The following DLG2 variants were observed in gnomAD, a reference collection of about 807,000 sequenced individuals.
DLG2 encodes disks large homolog 2.
A neutral mutation model predicts 132.5 loss-of-function variants in DLG2; 45 were observed. That is an observed-to-expected ratio of 0.34 (90% CI 0.27 to 0.44). DLG2 has a LOEUF of 0.44. DLG2 is among the 20% of genes least tolerant of loss of function. The probability of loss-of-function intolerance (pLI) is 1.00; values close to 1 mark genes in which losing one functional copy is unlikely to be tolerated. For synonymous variants in DLG2, 424 were observed against 419.6 expected (o/e 1.01, Z -0.13); for missense variants, 1,045 against 1,196.9 (o/e 0.87, Z 1.87).
At chr11:83,781,393 T>C (rs1233416460) in intron 18 of DLG2, among the ~76,000 whole-genome samples, 1 of 152,170 alleles carries the variant, frequency 6.6e-6, no homozygotes, top group Non-Finnish European at 1.5e-5. Flanking sequence ...TACCTATTGA[T>C]TGAATGAATG....
chr11:84,138,991 A>G (rs950878225), intron 9 of DLG2, among the ~76,000 whole-genome samples: 3 of 151,664 alleles, frequency 2.0e-5, no homozygotes, highest in Non-Finnish European at 4.4e-5. Flanking sequence ...CAACTGGCCA[A>G]TGGAAAAGGC....
chr11:85,019,974 T>C (rs1242832945), intron 6 of DLG2, among the ~76,000 whole-genome samples: 1 of 152,212 alleles, frequency 6.6e-6, no homozygotes, highest in Non-Finnish European at 1.5e-5. Flanking sequence ...ATCCTTTGGC[T>C]ATATACCCAG....
intron 6 of DLG2, among the ~76,000 whole-genome samples, chr11:84,832,523 G>T (rs2079173959): frequency 6.6e-6 from 1 of 151,556 alleles, no homozygotes; most frequent in Non-Finnish European, 1.5e-5. Context: ...GCAGAGGAAG[G>T]TGCCCATGAT....
chr11:84,786,524 G>A (rs766274459), intron 6 of DLG2, among the ~76,000 whole-genome samples: 3 of 152,134 alleles, frequency 2.0e-5, no homozygotes, highest in Non-Finnish European at 4.4e-5. Context: ...TTTATAACAA[G>A]CTTCTAAGAT....
chr11:84,114,499 G>C (rs562042142), intron 9 of DLG2, among the ~76,000 whole-genome samples: 1 of 152,272 alleles, frequency 6.6e-6, no homozygotes, highest in African/African-American at 2.4e-5. Flanking sequence ...AGGAGGGGAG[G>C]ATGGAGATGG....
chr11:84,142,345 G>A (rs959199546), intron 9 of DLG2, among the ~76,000 whole-genome samples: 15 of 150,984 alleles, frequency 9.9e-5, no homozygotes, highest in Middle Eastern at 3.4e-3. Context: ...AAAAGAAAAG[G>A]TGACTGGCTT....
At chr11:83,577,422 GGATA>G (rs1310134500) in intron 19 of DLG2, among the ~76,000 whole-genome samples, 2 of 140,336 alleles carry the variant, frequency 1.4e-5, no homozygotes, top group African/African-American at 2.7e-5. Flanking sequence ...AGTTCTAATA[GGATA>G]GATATATAAT....
At chr11:85,031,145 G>A (rs2060970420) in intron 6 of DLG2, among the ~76,000 whole-genome samples, 1 of 151,702 alleles carries the variant, frequency 6.6e-6, no homozygotes, top group Non-Finnish European at 1.5e-5. Flanking sequence ...AAGGCTTTTT[G>A]TTTCTTTGGG....
At chr11:83,974,274 G>A (rs79892044) in intron 12 of DLG2, among the ~76,000 whole-genome samples, 6,472 of 151,982 alleles carry the variant, frequency 0.043, 198 homozygotes, top group Non-Finnish European at 0.067. Flanking sequence ...CAATTTTGTA[G>A]ATTTACCAAA....
intron 18 of DLG2, among the ~76,000 whole-genome samples, chr11:83,735,936 A>G (rs1006646542): frequency 2.0e-5 from 3 of 152,212 alleles, no homozygotes; most frequent in Admixed American, 2.0e-4. Context: ...ACCAAATCAT[A>G]CTAACTCCAG....
intron 3 of DLG2, among the ~76,000 whole-genome samples, chr11:85,353,080 T>C (rs2083422872): frequency 6.6e-6 from 1 of 152,134 alleles, no homozygotes; most frequent in East Asian, 1.9e-4. Context: ...ATTTTTGCAA[T>C]CTACCCATCT....
chr11:83,698,717 C>A (rs2082332970), intron 18 of DLG2, among the ~76,000 whole-genome samples: 1 of 152,118 alleles, frequency 6.6e-6, no homozygotes, highest in Non-Finnish European at 1.5e-5. Context: ...GAGTTTTTGC[C>A]ATGTGCCAAG....
chr11:84,282,779 T>G (rs2097865210), intron 7 of DLG2, among the ~76,000 whole-genome samples: 1 of 152,194 alleles, frequency 6.6e-6, no homozygotes, highest in African/African-American at 2.4e-5. Context: ...TTATGGTTCT[T>G]GCTCTAATTT....
chr11:84,717,597 T>C (rs1386407016), intron 6 of DLG2, among the ~76,000 whole-genome samples: 1 of 152,058 alleles, frequency 6.6e-6, no homozygotes, highest in Non-Finnish European at 1.5e-5. Flanking sequence ...TATCAATATA[T>C]AAATGGTTCC....
At chr11:84,655,195 A>G (rs1472468408) in intron 6 of DLG2, among the ~76,000 whole-genome samples, 1 of 152,152 alleles carries the variant, frequency 6.6e-6, no homozygotes, top group Non-Finnish European at 1.5e-5. Flanking sequence ...CAATTTAACC[A>G]TTCTATTTCC....
chr11:85,244,659 T>A (rs1297272841), intron 4 of DLG2, among the ~76,000 whole-genome samples: 1 of 151,968 alleles, frequency 6.6e-6, no homozygotes, highest in Non-Finnish European at 1.5e-5. Context: ...GAAAAGTGTT[T>A]GGATACAGCA....
intron 6 of DLG2, among the ~76,000 whole-genome samples, chr11:84,819,537 T>C (rs749498832): frequency 1.3e-5 from 2 of 151,692 alleles, no homozygotes; most frequent in Admixed American, 6.6e-5. Flanking sequence ...TCATGATCTC[T>C]TAGACAATGG....
intron 18 of DLG2, among the ~76,000 whole-genome samples, chr11:83,744,720 A>T (rs758832505): frequency 3.7e-4 from 57 of 152,242 alleles, no homozygotes; most frequent in Non-Finnish European, 7.5e-4. Flanking sequence ...GACACAGAAA[A>T]TGCCTCATGA....
chr11:85,127,961 TTC>T (rs1243418079), intron 5 of DLG2, among the ~76,000 whole-genome samples: 1 of 152,170 alleles, frequency 6.6e-6, no homozygotes, highest in Non-Finnish European at 1.5e-5. Flanking sequence ...CTTTCAGTAA[TTC>T]TGAGTGATTT....
Sources: allele counts gnomAD v4.1 joint callset (sites outside exome capture counted in the v4.1 genomes callset), GRCh38; gene constraint gnomAD v4.1.1; transcripts MANE v1.5; gene names NCBI Gene and HGNC (gene_info 2026-07-23, HGNC 2026-07-21).